ITIH5: variants seen among roughly 807,000 people sequenced by gnomAD.
ITIH5 encodes the protein inter-alpha-trypsin inhibitor heavy chain 5.
Under a neutral mutation model 77.5 loss-of-function variants are expected in ITIH5, and 65 were observed. That is an observed-to-expected ratio of 0.84 (90% CI 0.69 to 1.03). ITIH5 has a LOEUF of 1.03. Ranked by LOEUF, ITIH5 falls within the 50% of genes least tolerant of loss-of-function variation. The pLI, the probability that ITIH5 is intolerant of heterozygous loss-of-function variation, is 0.00. For missense variants in ITIH5, 1,208 were observed against 1,213.1 expected (o/e 1.00, Z 0.06); for synonymous variants, 525 against 494.3 (o/e 1.06, Z -0.82).
chr10:7,634,239 T>C (rs988609740), intron 5 of ITIH5, among the ~76,000 whole-genome samples: 1 of 152,126 alleles, frequency 6.6e-6, no homozygotes, highest in South Asian at 2.1e-4. Flanking sequence ...CACACAATCA[T>C]AGTTTTGGTG....
intron 5 of ITIH5, among the ~76,000 whole-genome samples, chr10:7,631,961 AT>A (rs34105815): frequency 0.18 from 24,489 of 139,388 alleles, 3,393 homozygotes; most frequent in African/African-American, 0.39. Flanking sequence ...TAATTTTTGT[AT>A]TTTTTTTTTT....
rs1204949270 is a variant in ITIH5, at chr10:7,566,021, G to C, written c.2527+9C>G. ...CTATGCCCAGCGTGAGGAGAGCGCA[G>C]CTTCCTACCCAGCAGTCCGTGGCAG... On this transcript the variant is annotated intron_variant, in intron 13 of 13. Transcript: ENST00000397146. 1 of 1,611,508 alleles carries C rather than the reference G, an allele frequency of 6.2e-7. No individual in the cohort carries two copies. The highest frequency in any genetic ancestry group is 8.5e-7 in the Non-Finnish European group (1 of 1,178,322).
chr10:7,605,265 C>G (rs1377455086), intron 7 of ITIH5, among the ~76,000 whole-genome samples: 1 of 151,580 alleles, frequency 6.6e-6, no homozygotes, highest in Non-Finnish European at 1.5e-5. Context: ...TCCAATCCCC[C>G]TCTTCTCATG....
intron 2 of ITIH5, among the ~76,000 whole-genome samples, chr10:7,645,154 T>C (rs1204834586): frequency 6.6e-6 from 1 of 151,594 alleles, no homozygotes; most frequent in East Asian, 1.9e-4. Flanking sequence ...CAGAGACAAA[T>C]GGAACAGCTT....
At chr10:7,644,557 CAT>C (rs1352817107) in intron 2 of ITIH5, among the ~76,000 whole-genome samples, 2 of 137,716 alleles carry the variant, frequency 1.5e-5, no homozygotes, top group Non-Finnish European at 3.0e-5. Context: ...TGATATATCA[CAT>C]ATATATGATA....
chr10:7,586,197 G>C, intron 7 of ITIH5, 128 bp from the exon 8 acceptor site: 1 of 774,564 alleles, frequency 1.3e-6, no homozygotes, highest in East Asian at 2.7e-5. Context: ...CTATGTAAAG[G>C]GCACTTGGCT....
In ITIH5 at chr10:7,629,351, G is replaced by A. The variant is rs1321594451; in HGVS notation, c.652+7877C>T. ...TTGTAGCGTGTGCCCATGTTGTAGC[G>A]TGTGTCCCTGTTGTAGCGTGTGTCC... On this transcript the variant is annotated intron_variant, in intron 5 of 13. Coordinates refer to ENST00000397146, the MANE Select transcript of ITIH5 (RefSeq NM_030569.7). Among the ~76,000 whole-genome samples the A allele has an allele frequency of 1.2e-4, 10 of 84,116 alleles. 1 individual carries two copies. The highest frequency in any genetic ancestry group is 4.5e-4 in the African/African-American group (7 of 15,552). The allele number at this position is 84,116 out of a possible 152,430, so 55.2% of individuals were successfully genotyped here. A position where few individuals can be genotyped will look rare whatever the true frequency, so the allele number is the denominator to read the frequency against.
chr10:7,639,671 G>T (rs936875589), intron 4 of ITIH5, among the ~76,000 whole-genome samples: 2 of 152,144 alleles, frequency 1.3e-5, no homozygotes, highest in African/African-American at 4.8e-5. Context: ...CTACACATTG[G>T]GCTGGTGAAG....
intron 7 of ITIH5, among the ~76,000 whole-genome samples, chr10:7,603,358 A>G (rs1833053548): frequency 6.6e-6 from 1 of 152,206 alleles, no homozygotes; most frequent in African/African-American, 2.4e-5. Flanking sequence ...ATCCAGAGAC[A>G]GGAAGCCGAC....
At chr10:7,627,423 G>C (rs564703159) in intron 5 of ITIH5, among the ~76,000 whole-genome samples, 10 of 152,308 alleles carry the variant, frequency 6.6e-5, no homozygotes, top group African/African-American at 2.4e-4. Flanking sequence ...CTCTGGTCGA[G>C]GGGACTTGAC....
intron 3 of ITIH5, 101 bp from the exon 4 acceptor site, chr10:7,640,956 C>T (rs1179940723): frequency 2.3e-5 from 19 of 823,462 alleles, no homozygotes; most frequent in Non-Finnish European, 1.0e-5. Context: ...TTTTTATTTG[C>T]CTTTTGGATG....
intron 4 of ITIH5, 45 bp from the exon 5 acceptor site, chr10:7,637,523 A>G (rs1409299931): frequency 6.3e-7 from 1 of 1,590,492 alleles, no homozygotes; most frequent in African/African-American, 1.3e-5. Context: ...TCGGAAGAGG[A>G]TAGAGCCAGG....
chr10:7,559,998 C>G lies in ITIH5; in HGVS notation c.*3085G>C, dbSNP rs544294832. On this transcript the variant is annotated 3_prime_UTR_variant, in exon 14 of 14. Coordinates refer to ENST00000397146, the MANE Select transcript of ITIH5 (RefSeq NM_030569.7). ...TCCCAAGTAGCTGGAACTACAGGCA[C>G]GCACCACCACGCCCAGCTAATTTTT... 7 of 365,988 alleles carry G rather than the reference C, an allele frequency of 1.9e-5. No individual in the cohort carries two copies. Among genetic ancestry groups the G allele is most frequent in the African/African-American group, 1.1e-4 (5 of 45,758 alleles). 22.7% of individuals were successfully genotyped at this position (365,988 alleles called of 1,614,324 possible).
chr10:7,663,471 C>T (rs372369443), intron 1 of ITIH5, among the ~76,000 whole-genome samples: 1 of 152,144 alleles, frequency 6.6e-6, no homozygotes, highest in African/African-American at 2.4e-5. Flanking sequence ...CTCCAGGACA[C>T]CTCACTTGTG....
intron 1 of ITIH5, among the ~76,000 whole-genome samples, chr10:7,665,496 G>A (rs1834347354): frequency 1.3e-5 from 2 of 152,280 alleles, no homozygotes; most frequent in South Asian, 4.1e-4. Context: ...ATATAAGGCC[G>A]AAAGGCACTT....
At chr10:7,656,521 A>AT (rs1265393618) in intron 1 of ITIH5, among the ~76,000 whole-genome samples, 4 of 151,826 alleles carry the variant, frequency 2.6e-5, no homozygotes, top group Non-Finnish European at 4.4e-5. Context: ...CAGCCAAAAG[A>AT]TTTTTTTTAA....
chr10:7,651,656 C>A (rs1834102986), intron 2 of ITIH5, among the ~76,000 whole-genome samples: 1 of 151,864 alleles, frequency 6.6e-6, no homozygotes, highest in Non-Finnish European at 1.5e-5. Flanking sequence ...AACTCATGCG[C>A]CAAGCCAATA....
chr10:7,652,851 A>G lies in ITIH5; in HGVS notation c.135+2780T>C, dbSNP rs1834122663. On this transcript the variant is annotated intron_variant, in intron 2 of 13. Coordinates refer to ENST00000397146, the MANE Select transcript of ITIH5 (RefSeq NM_030569.7). ...TACAAAGGTCTCTGATAAATTGACA[A>G]TGAGGTGGATAAAAAACACAATAGA... 1.3e-5 allele frequency among the ~76,000 whole-genome samples: 2 copies of G among 152,042 alleles called. 1 individual carries two copies. The highest frequency in any genetic ancestry group is 4.2e-4 in the South Asian group (2 of 4,792).
chr10:7,601,008 T>C lies in ITIH5; in HGVS notation c.940-14939A>G, dbSNP rs183316848. ...AGTCTATGGCACATATATGAGTCCATAGTGGCCTGAATGGACTAAGACACA... is the reference window on the plus strand; with the variant it reads ...AGTCTATGGCACATATATGAGTCCACAGTGGCCTGAATGGACTAAGACACA... On this transcript the variant is annotated intron_variant, in intron 7 of 13. Coordinates refer to ENST00000397146, the MANE Select transcript of ITIH5 (RefSeq NM_030569.7). 2.6e-4 allele frequency among the ~76,000 whole-genome samples: 40 copies of C among 152,322 alleles called. 1 individual carries two copies. Among genetic ancestry groups the C allele is most frequent in the South Asian group, 4.2e-4 (2 of 4,814 alleles).
Sources: gnomAD v4.1 joint callset for allele counts (sites outside exome capture counted in the v4.1 genomes callset) on GRCh38, gnomAD v4.1.1 for gene constraint, MANE v1.5 for transcripts, NCBI Gene and HGNC (gene_info 2026-07-23, HGNC 2026-07-21) for gene names.